STK32C: variants seen among roughly 807,000 people sequenced by gnomAD.
STK32C encodes serine/threonine kinase 32C.
STK32C carries 31 observed loss-of-function variants against 56.5 expected under a neutral mutation model. That is an observed-to-expected ratio of 0.55 (90% CI 0.41 to 0.74). The LOEUF (loss-of-function observed/expected upper bound fraction) is 0.74. STK32C is among the 30% of genes least tolerant of loss of function. The pLI is 0.00. For missense variants in STK32C, 544 were observed against 676.9 expected, an observed-to-expected ratio of 0.80 and a Z score of 2.18; for synonymous variants, 309 against 289.4, an observed-to-expected ratio of 1.07 and a Z score of -0.69.
intron 1 of STK32C, among the ~76,000 whole-genome samples, chr10:132,265,171 AGGT>A (rs2064466879): frequency 1.1e-5 from 1 of 88,290 alleles, no homozygotes. Flanking sequence ...CAGGGCGGCG[AGGT>A]GGCTCTGGGG....
At chr10:132,251,215 GGCCCTACCCAGTTTC>G (rs1312149765) in intron 1 of STK32C, among the ~76,000 whole-genome samples, 1 of 152,222 alleles carries the variant, frequency 6.6e-6, no homozygotes, top group Non-Finnish European at 1.5e-5. Flanking sequence ...TCTGCTCCCA[GGCCCTACCCAGTTTC>G]GCCTAGTCCC....
At chr10:132,329,279 T>C (rs7905222) in intron 1 of STK32C, among the ~76,000 whole-genome samples, 62,157 of 151,894 alleles carry the variant, frequency 0.41, 13,036 homozygotes, top group African/African-American at 0.46. Context: ...CCCAGTGTGG[T>C]GGCACATGCC....
intron 2 of STK32C, among the ~76,000 whole-genome samples, chr10:132,241,306 C>T (rs1344556900): frequency 6.6e-6 from 1 of 152,222 alleles, no homozygotes; most frequent in Non-Finnish European, 1.5e-5. Context: ...GAAGGCAGGG[C>T]TCAGGGCCAG....
chr10:132,215,906 T>A (rs1234597024), intron 10 of STK32C, among the ~76,000 whole-genome samples: 1 of 152,220 alleles, frequency 6.6e-6, no homozygotes, highest in East Asian at 1.9e-4. Flanking sequence ...GCTGAGCTGG[T>A]CTCAGATGGA....
At chr10:132,266,498 G>A (rs1026075173) in intron 1 of STK32C, among the ~76,000 whole-genome samples, 1 of 152,194 alleles carries the variant, frequency 6.6e-6, no homozygotes, top group Non-Finnish European at 1.5e-5. Context: ...AGATCATCTA[G>A]ATCAGGGACA....
At chr10:132,233,786 C>A (rs967547814) in intron 2 of STK32C, among the ~76,000 whole-genome samples, 3 of 152,256 alleles carry the variant, frequency 2.0e-5, no homozygotes. Flanking sequence ...CAGGCCCACA[C>A]GCGCTCCCGC....
intron 10 of STK32C, among the ~76,000 whole-genome samples, chr10:132,221,450 ACT>A (rs1265992764): frequency 7.0e-6 from 1 of 141,948 alleles, no homozygotes; most frequent in African/African-American, 2.7e-5. Flanking sequence ...CCCTGCACAC[ACT>A]CACAACTGAC....
intron 1 of STK32C, among the ~76,000 whole-genome samples, chr10:132,293,077 G>A (rs1381290755): frequency 6.6e-6 from 1 of 152,258 alleles, no homozygotes; most frequent in African/African-American, 2.4e-5. Context: ...ACATCAGCAA[G>A]CGGGGAGCAC....
intron 1 of STK32C, among the ~76,000 whole-genome samples, chr10:132,272,120 C>T (rs529995264): frequency 2.0e-5 from 3 of 152,354 alleles, no homozygotes; most frequent in African/African-American, 7.2e-5. Flanking sequence ...CCTGACCCCT[C>T]GTGCCTCCGA....
intron 10 of STK32C, among the ~76,000 whole-genome samples, chr10:132,221,214 C>T (rs1435492555): frequency 6.8e-6 from 1 of 147,664 alleles, no homozygotes; most frequent in African/African-American, 2.5e-5. Context: ...GCACACACAC[C>T]TGATGCTGAC....
At chr10:132,260,693 T>C (rs1199294055) in intron 1 of STK32C, among the ~76,000 whole-genome samples, 1 of 152,240 alleles carries the variant, frequency 6.6e-6, no homozygotes, top group Non-Finnish European at 1.5e-5. Context: ...TGATCGAGTC[T>C]GTGCCCCATG....
intron 1 of STK32C, among the ~76,000 whole-genome samples, chr10:132,281,456 G>T (rs1025797397): frequency 6.6e-6 from 1 of 152,116 alleles, no homozygotes; most frequent in Non-Finnish European, 1.5e-5. Flanking sequence ...GCCCGCTCCT[G>T]CTGGGTAAAA....
chr10:132,266,378 C>A (rs1192823085), intron 1 of STK32C, among the ~76,000 whole-genome samples: 1 of 152,184 alleles, frequency 6.6e-6, no homozygotes, highest in Non-Finnish European at 1.5e-5. Context: ...ACAACGTTCT[C>A]TGTCTCCATG....
intron 1 of STK32C, among the ~76,000 whole-genome samples, chr10:132,257,607 T>C (rs2138041090): frequency 6.6e-6 from 1 of 151,956 alleles, no homozygotes; most frequent in East Asian, 1.9e-4. Context: ...GTCCACCCCA[T>C]CTGGTGCCCA....
chr10:132,238,913 T>A (rs1328805814), intron 2 of STK32C, among the ~76,000 whole-genome samples: 1 of 152,008 alleles, frequency 6.6e-6, no homozygotes, highest in East Asian at 1.9e-4. Flanking sequence ...GCACGCTGGG[T>A]GGACACTTGG....
intron 2 of STK32C, among the ~76,000 whole-genome samples, chr10:132,228,850 A>G (rs1264080919): frequency 6.6e-6 from 1 of 152,252 alleles, no homozygotes; most frequent in African/African-American, 2.4e-5. Flanking sequence ...CCTGTCCTGC[A>G]AGGAGACACA....
Position 132,228,005 on chromosome 10 carries a change from T to C in STK32C, c.442A>G (p.Ile148Val), listed in dbSNP as rs998655231. Residue 148 changes from isoleucine (I) to valine (V), a missense_variant, in exon 3 of 12, where the codon ATC becomes GTC. Coordinates refer to ENST00000298630, the MANE Select transcript of STK32C (RefSeq NM_173575.4). ...AGGTTCACCAGGAAGACGTGCTCGATCTCCTGCAGGATCTCCAGCTCCCGG... is the reference window on the plus strand; with the variant it reads ...AGGTTCACCAGGAAGACGTGCTCGACCTCCTGCAGGATCTCCAGCTCCCGG... ...VFRELEILQE[I>V]EHVFLVNLWY... The C allele has an allele frequency of 6.2e-7, 1 of 1,613,696 alleles. No individual in the cohort carries two copies. The highest frequency in any genetic ancestry group is 8.5e-7 in the Non-Finnish European group (1 of 1,180,004).
intron 1 of STK32C, among the ~76,000 whole-genome samples, chr10:132,258,825 G>A (rs57777404): frequency 0.049 from 7,474 of 152,308 alleles, 233 homozygotes; most frequent in African/African-American, 0.075. Context: ...CCACAGTGCC[G>A]AGGAGGGGCT....
intron 1 of STK32C, among the ~76,000 whole-genome samples, chr10:132,303,165 G>A (rs1176235349): frequency 6.6e-6 from 1 of 152,240 alleles, no homozygotes; most frequent in Non-Finnish European, 1.5e-5. Context: ...GGCTGCGTGG[G>A]AGGCCTCAGA....
Sources: allele counts gnomAD v4.1 joint callset (sites outside exome capture counted in the v4.1 genomes callset), GRCh38; gene constraint gnomAD v4.1.1; transcripts MANE v1.5; gene names NCBI Gene and HGNC (gene_info 2026-07-23, HGNC 2026-07-21).